Variants in ADAM18 observed in about 807,000 individuals in gnomAD.
ADAM18 encodes the protein ADAM metallopeptidase domain 18.
In ADAM18, 117 loss-of-function variants were observed where a neutral mutation model predicts 94.4. That is an observed-to-expected ratio of 1.24 (90% CI 1.07 to 1.45). The LOEUF (loss-of-function observed/expected upper bound fraction) is 1.45. Among genes scored for constraint, ADAM18 ranks in the 40% most tolerant of loss-of-function variants. The pLI, the probability that ADAM18 is intolerant of heterozygous loss-of-function variation, is 0.00. For missense variants in ADAM18, 936 were observed against 880.0 expected, an observed-to-expected ratio of 1.06 and a Z score of -0.81; for synonymous variants, 327 against 291.6, an observed-to-expected ratio of 1.12 and a Z score of -1.24.
chr8:39,670,734 T>C (rs1304318541), intron 14 of ADAM18, among the ~76,000 whole-genome samples: 1 of 152,144 alleles, frequency 6.6e-6, no homozygotes, highest in Non-Finnish European at 1.5e-5. Context: ...AAAAATAGAA[T>C]GCTAAAAGAA....
At chr8:39,638,733 A>G (rs1820157027) in intron 10 of ADAM18, among the ~76,000 whole-genome samples, 187 bp downstream of exon 10, 1 of 151,894 alleles carries the variant, frequency 6.6e-6, no homozygotes, top group African/African-American at 2.4e-5. Flanking sequence ...TAAAGTTCAA[A>G]CACAAAGAAT....
At chr8:39,590,356 A>G (rs1453767841) in intron 2 of ADAM18, among the ~76,000 whole-genome samples, 2 of 152,152 alleles carry the variant, frequency 1.3e-5, no homozygotes, top group African/African-American at 4.8e-5. Flanking sequence ...AACACCGCAT[A>G]TTCTCACTCA....
chr8:39,677,812 A>G (rs1051998511), intron 15 of ADAM18, among the ~76,000 whole-genome samples: 1 of 152,220 alleles, frequency 6.6e-6, no homozygotes, highest in Non-Finnish European at 1.5e-5. Context: ...TGTATTGAGA[A>G]TTCAAATGAA....
In ADAM18 at chr8:39,610,639, T is replaced by C. The variant is rs1819245434; in HGVS notation, c.455T>C (p.Ile152Thr). The C allele has an allele frequency of 6.2e-7, 1 of 1,613,200 alleles. No homozygotes were observed. The highest frequency in any genetic ancestry group is 8.5e-7 in the Non-Finnish European group (1 of 1,179,440). The change falls in exon 6 of 20, where the codon ATT becomes ACT. Residue 152 changes from isoleucine (I) to threonine (T), a missense_variant. Coordinates refer to ENST00000265707, the MANE Select transcript of ADAM18 (RefSeq NM_014237.3). ...QMKNNDPNVSILAVNYSHIWQ... is the reference protein window; with the variant it reads ...QMKNNDPNVSTLAVNYSHIWQ... ...AAAAATAATGATCCAAATGTATCCA[T>C]TTTAGCAGTAAATTACAGTCATATT... is the stretch of plus-strand genomic sequence containing the variant.
chr8:39,584,706 C>A (rs1249749129), intron 1 of ADAM18, 29 bp downstream of exon 1: 1 of 1,609,248 alleles, frequency 6.2e-7, no homozygotes, highest in Non-Finnish European at 8.5e-7. Flanking sequence ...CCCCTTTCTT[C>A]TTCGACTTTA....
intron 6 of ADAM18, among the ~76,000 whole-genome samples, chr8:39,620,861 G>T (rs1244705090): frequency 6.6e-6 from 1 of 151,706 alleles, no homozygotes; most frequent in Non-Finnish European, 1.5e-5. Context: ...TAGAGATTTG[G>T]ATGGGTGAGG....
chr8:39,585,352 G>A lies in ADAM18; in HGVS notation c.132G>A (p.Lys44=). ...ATGACAGTGAAGTTTCAGAGAGGAA[G>A]GTAAATGATGAGGAATATTTATTCT... ...KSNDSEVSER[K]MIYIITIDGQ... Residue 44 remains lysine (K), a splice_region_variant and synonymous_variant, in exon 2 of 20, where the codon AAG becomes AAA. Coordinates refer to ENST00000265707, the MANE Select transcript of ADAM18 (RefSeq NM_014237.3). 1 of 1,606,080 alleles carries A rather than the reference G, an allele frequency of 6.2e-7. No homozygotes were observed. The highest frequency in any genetic ancestry group is 1.7e-5 in the Admixed American group (1 of 59,608).
rs563133310 is a variant in ADAM18, at chr8:39,681,560, G to C, written c.1821+1334G>C. On this transcript the variant is annotated intron_variant, in intron 16 of 19. Transcript: ENST00000265707. The stretch of plus-strand genomic sequence containing the variant: ...AGCAACAGAAAACTGATGCAGATTT[G>C]ATACCTGGACATATGGTGCTGCTGT... Among the ~76,000 whole-genome samples, 4 of 152,280 alleles carry C rather than the reference G, an allele frequency of 2.6e-5. No homozygotes were observed. The South Asian group carries it at 6.2e-4, about 24-fold the overall frequency.
intron 6 of ADAM18, 161 bp downstream of exon 6, chr8:39,610,867 G>A: frequency 7.9e-7 from 1 of 1,261,384 alleles, no homozygotes; most frequent in Non-Finnish European, 1.0e-6. Context: ...TAAAATATTT[G>A]GAAAGTTACA....
At chr8:39,673,836 T>C (rs1035828147) in intron 14 of ADAM18, among the ~76,000 whole-genome samples, 1 of 152,226 alleles carries the variant, frequency 6.6e-6, no homozygotes, top group Non-Finnish European at 1.5e-5. Flanking sequence ...TTGTTCTCAT[T>C]GGTTTCAAAG....
intron 2 of ADAM18, among the ~76,000 whole-genome samples, chr8:39,590,284 G>A (rs1473413301): frequency 2.7e-5 from 4 of 150,030 alleles, no homozygotes; most frequent in East Asian, 3.9e-4. Flanking sequence ...TGTCCTTTGT[G>A]GGGACATGGA....
chr8:39,645,319 T>G lies in ADAM18; in HGVS notation c.910-19T>G. 6.3e-7 allele frequency: 1 copy of G among 1,580,162 alleles called. No individual in the cohort carries two copies. The highest frequency in any genetic ancestry group is 8.6e-7 in the Non-Finnish European group (1 of 1,164,510). On this transcript the variant is annotated intron_variant, in intron 10 of 19. Coordinates refer to ENST00000265707, the MANE Select transcript of ADAM18 (RefSeq NM_014237.3). ...ATTTTCACACATAATAATTTTCTTT[T>G]TCATGTCTTTTATTTTAGTATCCAG...
At chr8:39,584,755 ATTCTGGGACCCTCCCCCTCTCCC>A in intron 1 of ADAM18, 78 bp downstream of exon 1, 1 of 1,523,204 alleles carries the variant, frequency 6.6e-7, no homozygotes. Flanking sequence ...GTTTCTTGTC[ATTCTGGGACCCTCCCCCTCTCCC>A]TTCTGGGATC....
chr8:39,687,223 A>G lies in ADAM18; in HGVS notation c.1822-5377A>G, dbSNP rs150377602. Reference sequence around the variant, plus strand: ...TCTCAAAAACATTGAAAATATGTCTATGCAATATTCACATAAATTTAGACG... The same window carrying G: ...TCTCAAAAACATTGAAAATATGTCTGTGCAATATTCACATAAATTTAGACG... On this transcript the variant is annotated intron_variant, in intron 16 of 19. Transcript: ENST00000265707. Among the ~76,000 whole-genome samples, 351 of 152,332 alleles carry G rather than the reference A, an allele frequency of 2.3e-3. 4 individuals carry two copies. Among genetic ancestry groups the G allele is most frequent in the African/African-American group, 8.1e-3 (336 of 41,580 alleles).
At chr8:39,644,151 T>C (rs1820314317) in intron 10 of ADAM18, among the ~76,000 whole-genome samples, 2 of 152,264 alleles carry the variant, frequency 1.3e-5, no homozygotes, top group African/African-American at 4.8e-5. Flanking sequence ...TTAGACATGT[T>C]CTCAGATTTT....
chr8:39,615,689 A>G (rs1039505697), intron 6 of ADAM18, among the ~76,000 whole-genome samples: 3 of 152,182 alleles, frequency 2.0e-5, no homozygotes, highest in Non-Finnish European at 1.5e-5. Flanking sequence ...CCCATTCAAC[A>G]TAGTACTAGA....
At chr8:39,622,158 C>T (rs1000956312) in intron 6 of ADAM18, among the ~76,000 whole-genome samples, 1 of 151,788 alleles carries the variant, frequency 6.6e-6, no homozygotes, top group Non-Finnish European at 1.5e-5. Flanking sequence ...TTAACTACTT[C>T]TACTTAAAAG....
In ADAM18 at chr8:39,594,197, T is replaced by C. The variant is rs556467223; in HGVS notation, c.132+8845T>C. ...ATGTACGTAACTTTTCACAGCCTAC[T>C]GTCATCATTTCACCAGGTTAAGCAA... is the stretch of plus-strand genomic sequence containing the variant. On this transcript the variant is annotated intron_variant, in intron 2 of 19. Coordinates refer to ENST00000265707, the MANE Select transcript of ADAM18 (RefSeq NM_014237.3). Among the ~76,000 whole-genome samples, 5 of 152,310 alleles carry C rather than the reference T, an allele frequency of 3.3e-5. No homozygotes were observed. In the South Asian group the frequency reaches 8.3e-4, roughly 25 times the overall value.
chr8:39,617,428 G>T (rs748210325), intron 6 of ADAM18, among the ~76,000 whole-genome samples: 1 of 152,154 alleles, frequency 6.6e-6, no homozygotes, highest in Non-Finnish European at 1.5e-5. Context: ...GTGGAAAGCA[G>T]ATTGGAAATT....
Sources: gnomAD v4.1 joint callset for allele counts (sites outside exome capture counted in the v4.1 genomes callset) on GRCh38, gnomAD v4.1.1 for gene constraint, MANE v1.5 for transcripts, NCBI Gene and HGNC (gene_info 2026-07-23, HGNC 2026-07-21) for gene names.